IMMP2L: variants seen among roughly 807,000 people sequenced by gnomAD.
The protein encoded by IMMP2L is mitochondrial inner membrane protease subunit 2.
A neutral mutation model predicts 19.3 loss-of-function variants in IMMP2L; 18 were observed. That is an observed-to-expected ratio of 0.93 (90% CI 0.64 to 1.38). The LOEUF is 1.38. Among genes scored for constraint, IMMP2L ranks in the 40% most tolerant of loss-of-function variants. IMMP2L has a pLI of 0.00. For missense variants in IMMP2L, 233 were observed against 218.2 expected (o/e 1.07, Z -0.43); for synonymous variants, 76 against 73.0 (o/e 1.04, Z -0.21).
Position 111,404,335 on chromosome 7 carries a change from T to C in IMMP2L, c.239+82903A>G, listed in dbSNP as rs116446104. On this transcript the variant is annotated intron_variant, in intron 3 of 5. Transcript: ENST00000405709. ...GGGTTTTCCCAGCTGTCACTGTAAT[T>C]ACAATGAAAAAATTTTACTTCCTAA... Among the ~76,000 whole-genome samples, 524 of 152,184 alleles carry C rather than the reference T, an allele frequency of 3.4e-3. 6 individuals carry two copies. Among genetic ancestry groups the C allele is most frequent in the African/African-American group, 0.012 (506 of 41,532 alleles).
At chr7:111,016,693 C>T (rs28639506) in intron 3 of IMMP2L, among the ~76,000 whole-genome samples, 1 of 97,644 alleles carries the variant, frequency 1.0e-5, no homozygotes, top group Non-Finnish European at 1.8e-5. Flanking sequence ...AATTATATTT[C>T]TATATTATAT....
intron 4 of IMMP2L, among the ~76,000 whole-genome samples, chr7:110,946,252 G>C (rs1817239068): frequency 6.6e-6 from 1 of 152,118 alleles, no homozygotes; most frequent in African/African-American, 2.4e-5. Context: ...TGATGCTTCT[G>C]ATCACACTTA....
intron 3 of IMMP2L, among the ~76,000 whole-genome samples, chr7:111,136,142 C>T (rs1239936311): frequency 2.6e-5 from 4 of 151,992 alleles, no homozygotes. Flanking sequence ...AATTCTCTGC[C>T]TCAGCCTCCC....
intron 3 of IMMP2L, among the ~76,000 whole-genome samples, chr7:111,172,908 A>G (rs1052767150): frequency 1.5e-4 from 22 of 151,682 alleles, no homozygotes; most frequent in African/African-American, 5.1e-4. Flanking sequence ...TCATGGTATA[A>G]TGGTGGAAAA....
intron 5 of IMMP2L, among the ~76,000 whole-genome samples, chr7:110,843,749 G>A (rs995316868): frequency 2.0e-5 from 3 of 152,164 alleles, no homozygotes; most frequent in Non-Finnish European, 4.4e-5. Context: ...ATGGATAAGG[G>A]CCTTGCTGAG....
At position 110,758,539 on chromosome 7, in the gene IMMP2L, G is replaced by T. The variant is rs186762685; in HGVS notation, c.409-94818C>A. Among the ~76,000 whole-genome samples, 89 of 152,178 alleles carry T rather than the reference G, an allele frequency of 5.8e-4. No homozygotes were observed. The highest frequency in any genetic ancestry group is 1.2e-4 in the Non-Finnish European group (8 of 67,994). On this transcript the variant is annotated intron_variant, in intron 5 of 5. Coordinates refer to ENST00000405709, the MANE Select transcript of IMMP2L (RefSeq NM_032549.4). The surrounding 1 kb of genome is among the most constrained non-coding windows in gnomAD (Gnocchi z 4.6). The stretch of plus-strand genomic sequence containing the variant: ...AGTCTAGTAAATAAGTAGAGTGCAG[G>T]CCTGGCTATGAGCAAGAAGAGGTCT...
chr7:111,421,900 A>C (rs1167790737), intron 3 of IMMP2L, among the ~76,000 whole-genome samples: 1 of 151,764 alleles, frequency 6.6e-6, no homozygotes, highest in African/African-American at 2.4e-5. Context: ...TTTTTGTATA[A>C]GGGGTTAGGA....
chr7:110,745,780 C>T (rs1797298035), intron 5 of IMMP2L, among the ~76,000 whole-genome samples: 1 of 152,134 alleles, frequency 6.6e-6, no homozygotes, highest in Non-Finnish European at 1.5e-5. Flanking sequence ...ACAACCAGCA[C>T]CAGCCACTGC....
chr7:111,260,052 G>A lies in IMMP2L; in HGVS notation c.239+227186C>T, dbSNP rs181227261. On this transcript the variant is annotated intron_variant, in intron 3 of 5. Coordinates refer to ENST00000405709, the MANE Select transcript of IMMP2L (RefSeq NM_032549.4). ...ATACCTACTGAAGGACCTGCCTAAGGCTGTTTTACTATTAACTTTTGTTGT... is the reference window on the plus strand; with the variant it reads ...ATACCTACTGAAGGACCTGCCTAAGACTGTTTTACTATTAACTTTTGTTGT... Among the ~76,000 whole-genome samples, 282 of 152,162 alleles carry A rather than the reference G, an allele frequency of 1.9e-3. 1 individual carries two copies. The highest frequency in any genetic ancestry group is 6.6e-3 in the African/African-American group (274 of 41,534).
intron 3 of IMMP2L, among the ~76,000 whole-genome samples, chr7:110,995,617 G>T (rs954131710): frequency 2.6e-5 from 4 of 152,112 alleles, no homozygotes; most frequent in African/African-American, 4.8e-5. Flanking sequence ...TTGTATTTCA[G>T]TTCTTTCTGG....
chr7:111,528,856 A>C (rs1179451232), intron 1 of IMMP2L, among the ~76,000 whole-genome samples: 1 of 152,184 alleles, frequency 6.6e-6, no homozygotes, highest in Non-Finnish European at 1.5e-5. Context: ...CACAAAATCA[A>C]GATTTTATTT....
intron 3 of IMMP2L, among the ~76,000 whole-genome samples, chr7:110,998,938 G>C (rs1174493228): frequency 6.6e-6 from 1 of 152,142 alleles, no homozygotes; most frequent in Non-Finnish European, 1.5e-5. Flanking sequence ...TGGATTAGGA[G>C]AGAAATATTC....
intron 5 of IMMP2L, among the ~76,000 whole-genome samples, chr7:110,695,484 G>A (rs866072714): frequency 1.2e-4 from 18 of 152,098 alleles, no homozygotes; most frequent in South Asian, 4.1e-4. Flanking sequence ...GTAATCCACT[G>A]TGCCCAGCCA....
intron 5 of IMMP2L, among the ~76,000 whole-genome samples, chr7:110,674,308 C>G (rs1207376639): frequency 6.6e-6 from 1 of 152,158 alleles, no homozygotes; most frequent in Non-Finnish European, 1.5e-5. Context: ...TACCTCCCAC[C>G]AGGTCCCTCC....
chr7:111,553,016 A>G (rs1790851992), intron 1 of IMMP2L, among the ~76,000 whole-genome samples: 1 of 152,150 alleles, frequency 6.6e-6, no homozygotes, highest in Admixed American at 6.5e-5. Context: ...TGATGCTCCT[A>G]TAAAACTTCC....
At chr7:111,005,232 A>T (rs752938349) in intron 3 of IMMP2L, among the ~76,000 whole-genome samples, 1 of 152,216 alleles carries the variant, frequency 6.6e-6, no homozygotes, top group Non-Finnish European at 1.5e-5. Flanking sequence ...TGATCCACCC[A>T]GAATGGCTGT....
rs189859853 is a variant in IMMP2L at position 111,087,708 on chromosome 7, A to C, written c.240-124143T>G. 1.2e-4 allele frequency among the ~76,000 whole-genome samples: 18 copies of C among 152,314 alleles called. No homozygotes were observed. The East Asian group carries it at 3.1e-3, about 26-fold the overall frequency. On this transcript the variant is annotated intron_variant, in intron 3 of 5. Coordinates refer to ENST00000405709, the MANE Select transcript of IMMP2L (RefSeq NM_032549.4). ...TAAAAGGGGAAACAGGTAAAATTAC[A>C]GAAACAATTATAATACCAAAAAAAT...
At chr7:110,736,789 G>A (rs985867431) in intron 5 of IMMP2L, among the ~76,000 whole-genome samples, 1 of 152,160 alleles carries the variant, frequency 6.6e-6, no homozygotes, top group Admixed American at 6.5e-5. Flanking sequence ...AGATTCACAG[G>A]TGGAAAGCAA....
chr7:111,562,421 G>GT lies in IMMP2L; in HGVS notation c.-574_-573insA, dbSNP rs1554553173. 2 of 150,848 alleles carry GT rather than the reference G, an allele frequency of 1.3e-5. No homozygotes were observed. Among genetic ancestry groups the GT allele is most frequent in the African/African-American group, 4.9e-5 (2 of 41,052 alleles). 9.3% of individuals were successfully genotyped at this position (150,848 alleles called of 1,614,324 possible). On this transcript the variant is annotated 5_prime_UTR_variant, in exon 1 of 6. Transcript: ENST00000405709. ...CCCGCCGACCCCTGCCAGCCTCACA[G>GT]CCCCCCACCCGCCGCCGGACGCCGG... is the stretch of plus-strand genomic sequence containing the variant.
Sources: gnomAD v4.1 joint callset for allele counts (sites outside exome capture counted in the v4.1 genomes callset) on GRCh38, gnomAD v4.1.1 for gene constraint, Gnocchi (gnomAD v3.1) non-coding constraint, MANE v1.5 for transcripts, NCBI Gene and HGNC (gene_info 2026-07-23, HGNC 2026-07-21) for gene names.